Variants in KIF16B observed in about 807,000 individuals in gnomAD.
KIF16B encodes the protein kinesin-like protein KIF16B.
Under a neutral mutation model 156.3 loss-of-function variants are expected in KIF16B, and 98 were observed. The observed-to-expected ratio is 0.63, with a 90% CI of 0.53 to 0.74. The LOEUF is 0.74. Ranked by LOEUF, KIF16B falls within the 30% of genes least tolerant of loss-of-function variation. The pLI is 0.00. For missense variants in KIF16B, 1,421 were observed against 1,606.5 expected (o/e 0.88, Z 1.97); for synonymous variants, 564 against 583.7 (o/e 0.97, Z 0.49).
intron 12 of KIF16B, among the ~76,000 whole-genome samples, chr20:16,458,524 C>T (rs750516924): frequency 4.6e-5 from 7 of 152,264 alleles, no homozygotes; most frequent in Admixed American, 1.3e-4. Flanking sequence ...GTAGTATAAG[C>T]TGCATTTTTT....
At chr20:16,565,743 C>T (rs2071229050) in intron 1 of KIF16B, among the ~76,000 whole-genome samples, 1 of 152,230 alleles carries the variant, frequency 6.6e-6, no homozygotes, top group African/African-American at 2.4e-5. Context: ...GGAGTTCCCA[C>T]CAGCACCCCG....
chr20:16,336,734 C>G (rs534897266), intron 23 of KIF16B, among the ~76,000 whole-genome samples: 1 of 152,226 alleles, frequency 6.6e-6, no homozygotes, highest in Non-Finnish European at 1.5e-5. Context: ...TCTACCACCA[C>G]CTACCCAGCA....
Position 16,379,274 on chromosome 20 carries a change from G to A in KIF16B, c.2728C>T (p.Gln910Ter), listed in dbSNP as rs148283912. The A allele has an allele frequency of 1.4e-4, 227 of 1,613,720 alleles. No individual in the cohort carries two copies. Among genetic ancestry groups the A allele is most frequent in the Admixed American group, 2.0e-4 (12 of 60,006 alleles). The change falls in exon 19 of 26, where the codon CAG becomes TAG. Residue 910 changes from glutamine (Q) to a stop codon, truncating the protein, a stop_gained. Coordinates refer to ENST00000354981, the MANE Select transcript of KIF16B (RefSeq NM_024704.5). LOFTEE classifies it high-confidence loss of function. ...YRLQYKERQL[Q>*]YLLQNHLPTL... ...GGCAAGTGATTCTGCAGGAGGTACT[G>A]TAGCTGGCGTTCTTTATATTGCAGC...
chr20:16,545,369 T>TA (rs1295462522), intron 1 of KIF16B, among the ~76,000 whole-genome samples: 199 of 135,774 alleles, frequency 1.5e-3, no homozygotes, highest in African/African-American at 3.7e-3. Flanking sequence ...CATCTCTATT[T>TA]AAAAAAAAAA....
In KIF16B at chr20:16,367,949, G is replaced by A; in HGVS notation, c.3498+2637C>T. 5 of 1,444,630 alleles carry A rather than the reference G, an allele frequency of 3.5e-6. No individual in the cohort carries two copies. In the South Asian group the frequency reaches 4.5e-5, roughly 13 times the overall value. The allele number at this position is 1,444,630 out of a possible 1,614,324, so 89.5% of individuals were successfully genotyped here. ...ATCTCCTGTAGACCAGAGAGAGGTA[G>A]AGCATGAAAAATGCTCATTGAGCCG... is the stretch of plus-strand genomic sequence containing the variant. On this transcript the variant is annotated intron_variant, in intron 22 of 25. Coordinates refer to ENST00000354981, the MANE Select transcript of KIF16B (RefSeq NM_024704.5).
intron 15 of KIF16B, among the ~76,000 whole-genome samples, chr20:16,420,967 G>A (rs964249836): frequency 6.6e-6 from 1 of 152,128 alleles, no homozygotes; most frequent in African/African-American, 2.4e-5. Context: ...TTAAGTTTCA[G>A]AGAAATAATG....
intron 22 of KIF16B, among the ~76,000 whole-genome samples, chr20:16,360,096 T>C (rs1600205574): frequency 1.3e-5 from 2 of 152,244 alleles, no homozygotes; most frequent in East Asian, 3.9e-4. Context: ...TAAATAAATT[T>C]AAAAATCAAA....
chr20:16,416,714 C>A (rs1304486225), intron 15 of KIF16B, among the ~76,000 whole-genome samples: 2 of 147,494 alleles, frequency 1.4e-5, no homozygotes, highest in African/African-American at 5.2e-5. Flanking sequence ...TGCATATGTA[C>A]CCCAGAACTT....
Position 16,330,697 on chromosome 20 carries a change from CT to C in KIF16B, c.3711+5228del, listed in dbSNP as rs541747523. On this transcript the variant is annotated intron_variant, in intron 24 of 25. Transcript: ENST00000354981. The stretch of plus-strand genomic sequence containing the variant: ...CATGCTTATGGTAAAAATGACACCC[CT>C]GACTCCCTGCCTCAATAAGTTGCAT... Among the ~76,000 whole-genome samples the C allele has an allele frequency of 3.2e-4, 48 of 152,314 alleles. No individual in the cohort carries two copies. The South Asian group carries it at 6.4e-3, about 20-fold the overall frequency.
At chr20:16,382,158 AAAG>A in intron 17 of KIF16B, 5 of 1,316,900 alleles carry the variant, frequency 3.8e-6, no homozygotes, top group South Asian at 1.2e-5. Flanking sequence ...AGAGAGAGAG[AAAG>A]AGAGAGAGAG....
chr20:16,440,084 A>G (rs1225438472), intron 12 of KIF16B, among the ~76,000 whole-genome samples: 1 of 152,170 alleles, frequency 6.6e-6, no homozygotes, highest in Non-Finnish European at 1.5e-5. Flanking sequence ...AAAGTGATCA[A>G]AATTTCTCAT....
At chr20:16,554,337 A>G (rs1383488497) in intron 1 of KIF16B, among the ~76,000 whole-genome samples, 1 of 152,134 alleles carries the variant, frequency 6.6e-6, no homozygotes, top group African/African-American at 2.4e-5. Flanking sequence ...GAGAGGATTT[A>G]CCCACTCCAG....
chr20:16,326,691 T>C (rs1441443687), intron 24 of KIF16B, among the ~76,000 whole-genome samples: 3 of 151,972 alleles, frequency 2.0e-5, no homozygotes, highest in African/African-American at 7.2e-5. Flanking sequence ...GGCATGGATG[T>C]GGTAAAAAGG....
At chr20:16,483,925 GTT>G (rs1297232242) in intron 12 of KIF16B, among the ~76,000 whole-genome samples, 1 of 152,056 alleles carries the variant, frequency 6.6e-6, no homozygotes, top group African/African-American at 2.4e-5. Context: ...ATGAAATTGT[GTT>G]TTTTTAAGCT....
In KIF16B at chr20:16,402,847, C is replaced by A. The variant is rs2065689084; in HGVS notation, c.1784+1966G>T. On this transcript the variant is annotated intron_variant, in intron 17 of 25. Coordinates refer to ENST00000354981, the MANE Select transcript of KIF16B (RefSeq NM_024704.5). The stretch of plus-strand genomic sequence containing the variant: ...TGAGGATGAAAACTAGTAACTTTGA[C>A]CTGCATTTTGTAAACACTGAGGAAA... Among the ~76,000 whole-genome samples, 7 of 152,110 alleles carry A rather than the reference C, an allele frequency of 4.6e-5. No individual in the cohort carries two copies. In the South Asian group the frequency reaches 1.5e-3, roughly 32 times the overall value.
At chr20:16,427,748 C>A (rs186477753) in intron 14 of KIF16B, among the ~76,000 whole-genome samples, 194 of 152,132 alleles carry the variant, frequency 1.3e-3, no homozygotes, top group African/African-American at 4.5e-3. Flanking sequence ...GCCCAAGAGG[C>A]CTTCAGAAGC....
At chr20:16,497,297 TG>T (rs2068478572) in intron 11 of KIF16B, among the ~76,000 whole-genome samples, 1 of 152,250 alleles carries the variant, frequency 6.6e-6, no homozygotes, top group Non-Finnish European at 1.5e-5. Context: ...TCATGAATGT[TG>T]AACACAGACT....
At chr20:16,428,832 C>T (rs574751118) in intron 14 of KIF16B, 121 bp downstream of exon 14, 1 of 801,468 alleles carries the variant, frequency 1.2e-6, no homozygotes, top group African/African-American at 1.7e-5. Context: ...CTGACCAACA[C>T]TGTACTTGAA....
chr20:16,416,545 G>A lies in KIF16B; in HGVS notation c.1613-10089C>T, dbSNP rs142015860. On this transcript the variant is annotated intron_variant, in intron 15 of 25. Transcript: ENST00000354981. ...AACAATGAGAACACATGGACACAGG[G>A]AGGGGAACACCACACACTGGGGCCT... is the stretch of plus-strand genomic sequence containing the variant. Among the ~76,000 whole-genome samples, 1,322 of 152,134 alleles carry A rather than the reference G, an allele frequency of 8.7e-3. 27 individuals carry two copies. Among genetic ancestry groups the A allele is most frequent in the African/African-American group, 0.03 (1,256 of 41,504 alleles).
Sources: gnomAD v4.1 joint callset for allele counts (sites outside exome capture counted in the v4.1 genomes callset) on GRCh38, gnomAD v4.1.1 for gene constraint, MANE v1.5 for transcripts, NCBI Gene and HGNC (gene_info 2026-07-23, HGNC 2026-07-21) for gene names.